BRD10: variants seen among roughly 807,000 people sequenced by gnomAD.
BRD10 encodes uncharacterized bromodomain-containing protein 10.
the BRD10 span, among the ~76,000 whole-genome samples, chr9:5,983,951 T>C: frequency 7.7e-5 from 11 of 142,246 alleles, no homozygotes; most frequent in African/African-American, 1.1e-4. Flanking sequence ...GAGTCATATA[T>C]GTATATGCAT....
chr9:5,912,738 C>T, the BRD10 span, among the ~76,000 whole-genome samples: 1 of 152,144 alleles, frequency 6.6e-6, no homozygotes, highest in Admixed American at 6.5e-5. Context: ...TCCTCTACTG[C>T]AGCGTGCCCT....
the BRD10 span, chr9:5,914,156 G>A: frequency 5.0e-6 from 2 of 402,228 alleles, no homozygotes; most frequent in Admixed American, 3.0e-5. Context: ...TGTTCCACGT[G>A]CAGGGGATCC....
the BRD10 span, among the ~76,000 whole-genome samples, chr9:5,991,278 T>C: frequency 1.3e-5 from 2 of 152,128 alleles, no homozygotes; most frequent in Admixed American, 6.5e-5. Flanking sequence ...CATCTAGTAG[T>C]GTATCTGTAC....
chr9:5,985,961 T>C, the BRD10 span, among the ~76,000 whole-genome samples: 1 of 152,178 alleles, frequency 6.6e-6, no homozygotes, highest in Non-Finnish European at 1.5e-5. Flanking sequence ...ACATAGGCTT[T>C]TTAAAAATTA....
the BRD10 span, among the ~76,000 whole-genome samples, chr9:5,951,060 ACACACACACACACACACCCC>A: frequency 2.6e-5 from 4 of 150,944 alleles, no homozygotes; most frequent in African/African-American, 9.8e-5. Flanking sequence ...ACACACACAC[ACACACACACACACACACCCC>A]CACCCCACCC....
chr9:5,995,994 G>A, the BRD10 span, among the ~76,000 whole-genome samples: 5 of 152,020 alleles, frequency 3.3e-5, no homozygotes, highest in African/African-American at 1.2e-4. Flanking sequence ...AAGGAGATTT[G>A]GGCTAGAAAT....
the BRD10 span, among the ~76,000 whole-genome samples, chr9:5,940,558 A>G: frequency 2.5e-4 from 38 of 152,206 alleles, no homozygotes; most frequent in African/African-American, 8.9e-4. Context: ...TGATCTACCA[A>G]TTTTGCTAGC....
At chr9:5,892,160 AT>A in the BRD10 span, among the ~76,000 whole-genome samples, 21 of 152,336 alleles carry the variant, frequency 1.4e-4, no homozygotes, top group African/African-American at 4.6e-4. Flanking sequence ...CAAATGAGGA[AT>A]ATTTTTTCAC....
chr9:5,944,864 C>T, the BRD10 span: 2 of 1,462,332 alleles, frequency 1.4e-6, no homozygotes, highest in Non-Finnish European at 1.9e-6. Flanking sequence ...TTTGGATCAA[C>T]ACCTACCGAT....
the BRD10 span, chr9:5,988,324 A>T: frequency 2.5e-6 from 4 of 1,580,720 alleles, no homozygotes; most frequent in Admixed American, 6.7e-5. Flanking sequence ...TGAAATTATG[A>T]ATTTTTTTCT....
the BRD10 span, among the ~76,000 whole-genome samples, chr9:5,927,885 G>A: frequency 6.6e-5 from 10 of 152,056 alleles, no homozygotes; most frequent in African/African-American, 2.4e-4. Flanking sequence ...CCAGCCTTAT[G>A]TCTTTAAATA....
chr9:5,968,605 AT>A, the BRD10 span: 1 of 1,613,904 alleles, frequency 6.2e-7, no homozygotes, highest in Non-Finnish European at 8.5e-7. Context: ...CTGGATCAAA[AT>A]TATTTTCCTG....
At chr9:5,904,421 C>G in the BRD10 span, among the ~76,000 whole-genome samples, 14 of 152,108 alleles carry the variant, frequency 9.2e-5, 1 homozygote, top group East Asian at 2.7e-3. Flanking sequence ...GTGATTTTCA[C>G]TGGACATTTT....
chr9:5,950,224 A>G, the BRD10 span, among the ~76,000 whole-genome samples: 1 of 152,222 alleles, frequency 6.6e-6, no homozygotes, highest in Non-Finnish European at 1.5e-5. Context: ...AAATGGAAAG[A>G]GTGCTAAGGG....
At chr9:5,952,742 G>C in the BRD10 span, among the ~76,000 whole-genome samples, 1 of 152,148 alleles carries the variant, frequency 6.6e-6, no homozygotes, top group African/African-American at 2.4e-5. Flanking sequence ...GATGCTTTGA[G>C]GACTGAGAAA....
At chr9:5,883,255 CTAAA>C in the BRD10 span, among the ~76,000 whole-genome samples, 1 of 151,988 alleles carries the variant, frequency 6.6e-6, no homozygotes, top group South Asian at 2.1e-4. Flanking sequence ...TGCTTTATTC[CTAAA>C]TAAACATCTT....
chr9:5,969,062 G>A, the BRD10 span: 2 of 1,613,106 alleles, frequency 1.2e-6, no homozygotes, highest in Non-Finnish European at 1.7e-6. Flanking sequence ...ACAGTTATCA[G>A]GATTTTCAGT....
the BRD10 span, among the ~76,000 whole-genome samples, chr9:5,949,412 T>C: frequency 3.9e-4 from 60 of 152,314 alleles, no homozygotes; most frequent in African/African-American, 1.4e-3. Flanking sequence ...CTAATTTTAA[T>C]TTTGGTTTCA....
chr9:5,891,459 T>C, the BRD10 span, among the ~76,000 whole-genome samples: 59 of 152,314 alleles, frequency 3.9e-4, no homozygotes, highest in African/African-American at 1.4e-3. Context: ...ACATAAAATG[T>C]CCCAGTGGAA....
Sources: gnomAD v4.1 joint callset for allele counts (sites outside exome capture counted in the v4.1 genomes callset) on GRCh38, gnomAD v4.1.1 for gene constraint, MANE v1.5 for transcripts, NCBI Gene and HGNC (gene_info 2026-07-23, HGNC 2026-07-21) for gene names.